NAALADL2: variants seen among roughly 807,000 people sequenced by gnomAD.
NAALADL2 encodes N-acetylated alpha-linked acidic dipeptidase like 2.
A neutral mutation model predicts 87.2 loss-of-function variants in NAALADL2; 76 were observed. That is an observed-to-expected ratio of 0.87 (90% CI 0.72 to 1.05). The LOEUF is 1.05. Ranked by LOEUF, NAALADL2 falls within the 50% of genes least tolerant of loss-of-function variation. The pLI is 0.00. For missense variants in NAALADL2, 1,089 were observed against 945.8 expected (o/e 1.15, Z -1.99); for synonymous variants, 354 against 331.0 (o/e 1.07, Z -0.75).
intron 4 of NAALADL2, among the ~76,000 whole-genome samples, chr3:175,317,612 A>G (rs1759322310): frequency 6.6e-6 from 1 of 152,036 alleles, no homozygotes; most frequent in Non-Finnish European, 1.5e-5. Context: ...AAAAAGTGAC[A>G]CCCAATATGT....
intron 2 of NAALADL2, among the ~76,000 whole-genome samples, chr3:174,628,249 G>A (rs191902173): frequency 3.9e-5 from 6 of 152,080 alleles, no homozygotes; most frequent in Admixed American, 1.3e-4. Flanking sequence ...AGACCGAGGC[G>A]GGCGAATCAT....
At chr3:175,666,170 G>A (rs1197703739) in intron 11 of NAALADL2, among the ~76,000 whole-genome samples, 1 of 151,982 alleles carries the variant, frequency 6.6e-6, no homozygotes, top group East Asian at 1.9e-4. Context: ...CTTCTGTGTT[G>A]CAGAATGTGT....
intron 9 of NAALADL2, among the ~76,000 whole-genome samples, chr3:175,572,859 C>T (rs1210196949): frequency 6.6e-6 from 1 of 150,948 alleles, no homozygotes; most frequent in East Asian, 2.0e-4. Context: ...AGGTCAAGCT[C>T]AGCCTGGGCA....
chr3:175,015,701 T>C (rs1750720499), intron 1 of NAALADL2, among the ~76,000 whole-genome samples: 1 of 152,146 alleles, frequency 6.6e-6, no homozygotes, highest in Admixed American at 6.6e-5. Flanking sequence ...CTAAATTTTC[T>C]AACTTTTGGT....
At chr3:175,535,236 G>A (rs998979593) in intron 9 of NAALADL2, among the ~76,000 whole-genome samples, 2 of 152,198 alleles carry the variant, frequency 1.3e-5, no homozygotes, top group African/African-American at 4.8e-5. Context: ...GACCTTGAAT[G>A]AGCATAAGTG....
intron 11 of NAALADL2, among the ~76,000 whole-genome samples, chr3:175,710,425 T>C (rs1202880796): frequency 6.6e-6 from 1 of 152,024 alleles, no homozygotes; most frequent in Non-Finnish European, 1.5e-5. Context: ...TAGACATTAA[T>C]GATTATCAAT....
chr3:175,394,604 G>A (rs1362726976), intron 5 of NAALADL2, among the ~76,000 whole-genome samples: 1 of 152,112 alleles, frequency 6.6e-6, no homozygotes, highest in African/African-American at 2.4e-5. Context: ...ACACAAATCT[G>A]TAAACTGACA....
At chr3:175,137,820 C>T (rs1418591447) in intron 2 of NAALADL2, among the ~76,000 whole-genome samples, 3 of 151,598 alleles carry the variant, frequency 2.0e-5, no homozygotes, top group Admixed American at 1.3e-4. Context: ...GATGGGGTTT[C>T]GCTAGGTTAC....
At chr3:175,105,967 T>C (rs1245818269) in intron 2 of NAALADL2, among the ~76,000 whole-genome samples, 2 of 152,080 alleles carry the variant, frequency 1.3e-5, no homozygotes, top group Non-Finnish European at 2.9e-5. Context: ...CAGGTCTTTT[T>C]TTATCCTGTT....
At position 174,448,722 on chromosome 3, in the gene NAALADL2, CTA is replaced by C. The variant is rs950096171; in HGVS notation, c.-184+7692_-184+7693del. 1.4e-3 allele frequency among the ~76,000 whole-genome samples: 213 copies of C among 152,172 alleles called. 2 individuals are homozygous for C. Among genetic ancestry groups the C allele is most frequent in the African/African-American group, 4.9e-3 (202 of 41,508 alleles). The stretch of plus-strand genomic sequence containing the variant: ...CTAAAATAGCAGGAAAGAAATGTAA[CTA>C]TGTGTGGGAAAACAGGAATTAGGGA... On this transcript the variant is annotated intron_variant, in intron 1 of 3. Transcript: ENST00000434257.
chr3:175,051,934 C>A (rs1392757125), intron 1 of NAALADL2, among the ~76,000 whole-genome samples: 1 of 152,202 alleles, frequency 6.6e-6, no homozygotes, highest in Non-Finnish European at 1.5e-5. Context: ...GGGAGACCCT[C>A]AACCAGTGGT....
chr3:175,117,984 A>C lies in NAALADL2; in HGVS notation c.545+20693A>C, dbSNP rs139658434. On this transcript the variant is annotated intron_variant, in intron 2 of 13. Transcript: ENST00000454872. ...TTTGTAGGGACATGGATGAAGCTAG[A>C]AACCATCATTCTGAGCAAACTATTG... Among the ~76,000 whole-genome samples the C allele has an allele frequency of 8.9e-3, 1,354 of 152,162 alleles. 20 individuals are homozygous for C. The highest frequency in any genetic ancestry group is 0.031 in the African/African-American group (1,297 of 41,504).
chr3:174,603,781 T>A (rs2108616489), intron 2 of NAALADL2, among the ~76,000 whole-genome samples: 1 of 152,214 alleles, frequency 6.6e-6, no homozygotes, highest in Admixed American at 6.5e-5. Flanking sequence ...TGTATTTCCA[T>A]TATCATTTGT....
intron 2 of NAALADL2, among the ~76,000 whole-genome samples, chr3:174,551,710 GT>G (rs1712148438): frequency 6.6e-6 from 1 of 152,202 alleles, no homozygotes; most frequent in African/African-American, 2.4e-5. Flanking sequence ...CCACTTAAGA[GT>G]TTTAATGTGT....
chr3:175,786,889 T>C (rs6762583), intron 13 of NAALADL2, among the ~76,000 whole-genome samples: 1,795 of 152,230 alleles, frequency 0.012, 44 homozygotes, highest in African/African-American at 0.041. Flanking sequence ...GATGGGTTTT[T>C]GGTGTGGATG....
chr3:174,768,138 T>A (rs1045957419), intron 3 of NAALADL2, among the ~76,000 whole-genome samples: 2 of 152,240 alleles, frequency 1.3e-5, no homozygotes, highest in Non-Finnish European at 2.9e-5. Flanking sequence ...TGGCAAGTTA[T>A]AACTTATTTA....
chr3:174,787,604 T>TATATATATATATATATATACATAC (rs1268295230), intron 3 of NAALADL2, among the ~76,000 whole-genome samples: 1 of 87,944 alleles, frequency 1.1e-5, no homozygotes, highest in African/African-American at 3.6e-5. Flanking sequence ...TATATATATA[T>TATATATATATATATATATACATAC]ATATATATAT....
chr3:175,695,153 T>G (rs116619540), intron 11 of NAALADL2, among the ~76,000 whole-genome samples: 1 of 152,136 alleles, frequency 6.6e-6, no homozygotes, highest in African/African-American at 2.4e-5. Context: ...AGTAATCTTT[T>G]TTAATTATAC....
At chr3:175,558,836 ATAATT>A (rs1474710538) in intron 9 of NAALADL2, among the ~76,000 whole-genome samples, 1 of 152,162 alleles carries the variant, frequency 6.6e-6, no homozygotes, top group East Asian at 1.9e-4. Flanking sequence ...ACTCTGTAGT[ATAATT>A]TAAAGTTAGG....
Sources: allele counts gnomAD v4.1 joint callset (sites outside exome capture counted in the v4.1 genomes callset), GRCh38; gene constraint gnomAD v4.1.1; transcripts MANE v1.5; gene names NCBI Gene and HGNC (gene_info 2026-07-23, HGNC 2026-07-21).